Variants in LRRTM4 observed in about 807,000 individuals in gnomAD.
LRRTM4 encodes the protein leucine rich repeat transmembrane neuronal 4, also known as leucine-rich repeat transmembrane neuronal protein 4.
Under a neutral mutation model 47.6 loss-of-function variants are expected in LRRTM4, and 25 were observed. The observed-to-expected ratio is 0.53, with a 90% CI of 0.38 to 0.73. The LOEUF is 0.73. LRRTM4 is among the 30% of genes least tolerant of loss of function. The pLI is 0.00. For missense variants in LRRTM4, 638 were observed against 713.4 expected (o/e 0.89, Z 1.20); for synonymous variants, 311 against 269.5 (o/e 1.15, Z -1.51).
At chr2:76,783,336 A>ATTTGTGTTTTATTTAGTATATT (rs1558650061) in intron 3 of LRRTM4, among the ~76,000 whole-genome samples, 1 of 152,174 alleles carries the variant, frequency 6.6e-6, no homozygotes, top group African/African-American at 2.4e-5. Flanking sequence ...TGGAAAAGTC[A>ATTTGTGTTTTATTTAGTATATT]TTTGTGTTTT....
At chr2:77,332,481 A>G (rs1671006416) in intron 3 of LRRTM4, among the ~76,000 whole-genome samples, 1 of 152,184 alleles carries the variant, frequency 6.6e-6, no homozygotes, top group African/African-American at 2.4e-5. Flanking sequence ...ATGTATGCAT[A>G]GGATAATATG....
intron 3 of LRRTM4, among the ~76,000 whole-genome samples, chr2:76,988,211 A>G (rs1164098229): frequency 6.6e-6 from 1 of 151,588 alleles, no homozygotes; most frequent in Non-Finnish European, 1.5e-5. Flanking sequence ...TTTTTTTGTC[A>G]TTGATATTGA....
chr2:77,466,598 T>C (rs532431797), intron 3 of LRRTM4, among the ~76,000 whole-genome samples: 2 of 152,206 alleles, frequency 1.3e-5, no homozygotes, highest in East Asian at 1.9e-4. Context: ...CAAATTCAGG[T>C]ATGTAAGATG....
Position 77,023,184 on chromosome 2 carries a change from C to A in LRRTM4, c.1552-274268G>T, listed in dbSNP as rs2104110347. ...GCCACAGCCCAAGCTCTATGTTGGC[C>A]CCTTTCAGCCAAGGCTGGAGTGGCT... is the stretch of plus-strand genomic sequence containing the variant. On this transcript the variant is annotated intron_variant, in intron 3 of 3. Coordinates refer to ENST00000409884, the MANE Select transcript of LRRTM4 (RefSeq NM_001134745.3). Among the ~76,000 whole-genome samples the A allele has an allele frequency of 1.3e-5, 2 of 152,318 alleles. 1 individual carries two copies. Among genetic ancestry groups the A allele is most frequent in the South Asian group, 4.1e-4 (2 of 4,830 alleles).
At chr2:76,902,524 G>A (rs900166486) in intron 3 of LRRTM4, among the ~76,000 whole-genome samples, 2 of 152,164 alleles carry the variant, frequency 1.3e-5, no homozygotes, top group East Asian at 1.9e-4. Context: ...CCTTGATGAT[G>A]GATCTGAATC....
intron 3 of LRRTM4, among the ~76,000 whole-genome samples, chr2:77,336,706 G>C (rs1343572703): frequency 6.6e-6 from 1 of 152,070 alleles, no homozygotes; most frequent in African/African-American, 2.4e-5. Flanking sequence ...GGCTTTGAAG[G>C]AATACACCTC....
At chr2:77,083,399 A>G (rs560047570) in intron 3 of LRRTM4, among the ~76,000 whole-genome samples, 2 of 152,302 alleles carry the variant, frequency 1.3e-5, no homozygotes, top group East Asian at 1.9e-4. Flanking sequence ...CCAAAACAAC[A>G]TAAGATGTGC....
intron 3 of LRRTM4, among the ~76,000 whole-genome samples, chr2:77,250,414 G>A (rs1245161983): frequency 2.0e-5 from 3 of 152,092 alleles, no homozygotes; most frequent in African/African-American, 7.2e-5. Flanking sequence ...ATGGAGTAGA[G>A]GGATATATGG....
At chr2:77,037,236 C>T (rs1276590554) in intron 3 of LRRTM4, among the ~76,000 whole-genome samples, 1 of 151,658 alleles carries the variant, frequency 6.6e-6, no homozygotes, top group Non-Finnish European at 1.5e-5. Flanking sequence ...CCTGGTTTTC[C>T]AACAAAGACC....
chr2:77,159,484 C>A (rs1304711745), intron 3 of LRRTM4, among the ~76,000 whole-genome samples: 1 of 145,550 alleles, frequency 6.9e-6, no homozygotes, highest in African/African-American at 2.6e-5. Flanking sequence ...AACAAACCTG[C>A]ATGTTGTGCA....
chr2:76,807,594 T>G (rs911546666), intron 3 of LRRTM4, among the ~76,000 whole-genome samples: 9 of 148,648 alleles, frequency 6.1e-5, no homozygotes, highest in Non-Finnish European at 1.2e-4. Flanking sequence ...TTTCTTTATT[T>G]TATTATTATT....
intron 3 of LRRTM4, among the ~76,000 whole-genome samples, chr2:76,757,699 A>T (rs528706213): frequency 2.0e-5 from 3 of 152,274 alleles, no homozygotes; most frequent in South Asian, 2.1e-4. Flanking sequence ...CAAAATAGAG[A>T]TGATAGAATT....
At chr2:77,312,240 G>A (rs1438580386) in intron 3 of LRRTM4, among the ~76,000 whole-genome samples, 1 of 151,764 alleles carries the variant, frequency 6.6e-6, no homozygotes, top group East Asian at 2.0e-4. Context: ...TTAATTGGGT[G>A]TCACTTAAAT....
intron 3 of LRRTM4, among the ~76,000 whole-genome samples, chr2:77,389,584 G>C (rs1673420240): frequency 6.6e-6 from 1 of 152,098 alleles, no homozygotes; most frequent in African/African-American, 2.4e-5. Flanking sequence ...TCATTTAGCA[G>C]AGTGGATTGA....
intron 3 of LRRTM4, among the ~76,000 whole-genome samples, chr2:77,327,885 AAG>A (rs1318309495): frequency 6.6e-6 from 1 of 152,140 alleles, no homozygotes; most frequent in African/African-American, 2.4e-5. Flanking sequence ...GGAACTGAGA[AAG>A]AGGGAAAAGC....
At chr2:77,511,717 ATTTC>A (rs1186337433) in intron 3 of LRRTM4, among the ~76,000 whole-genome samples, 1 of 151,920 alleles carries the variant, frequency 6.6e-6, no homozygotes, top group African/African-American at 2.4e-5. Flanking sequence ...GCTTCTTCAT[ATTTC>A]TTTCTGAATT....
At chr2:77,504,298 T>C (rs1164936088) in intron 3 of LRRTM4, among the ~76,000 whole-genome samples, 2 of 151,656 alleles carry the variant, frequency 1.3e-5, no homozygotes, top group Non-Finnish European at 3.0e-5. Flanking sequence ...ACAAAGTAGT[T>C]GTCACATCGA....
intron 3 of LRRTM4, among the ~76,000 whole-genome samples, chr2:76,855,220 C>T (rs913019929): frequency 1.3e-5 from 2 of 152,088 alleles, no homozygotes; most frequent in African/African-American, 4.8e-5. Context: ...GATCATGGGG[C>T]CCGTGTAAGC....
intron 3 of LRRTM4, among the ~76,000 whole-genome samples, chr2:76,897,054 C>T (rs1324116470): frequency 1.3e-5 from 2 of 151,882 alleles, no homozygotes; most frequent in Non-Finnish European, 2.9e-5. Flanking sequence ...ACACTCGTAG[C>T]TTATTTAAAT....
Sources: allele counts gnomAD v4.1 joint callset (sites outside exome capture counted in the v4.1 genomes callset), GRCh38; gene constraint gnomAD v4.1.1; transcripts MANE v1.5; gene names NCBI Gene and HGNC (gene_info 2026-07-23, HGNC 2026-07-21).